CDHR4: variants seen among roughly 807,000 people sequenced by gnomAD.
CDHR4 encodes the protein cadherin related family member 4, also known as cadherin-related family member 4.
CDHR4 carries 89 observed loss-of-function variants against 88.4 expected under a neutral mutation model. That is an observed-to-expected ratio of 1.01 (90% CI 0.85 to 1.20). The LOEUF is 1.20. CDHR4 is among the 50% of genes most tolerant of loss of function. CDHR4 has a pLI of 0.00. For synonymous variants in CDHR4, 368 were observed against 399.2 expected (o/e 0.92, Z 0.93); for missense variants, 914 against 1,007.2 (o/e 0.91, Z 1.25).
Position 49,795,717 on chromosome 3 carries a change from C to T in CDHR4, c.758G>A (p.Ser253Asn). ...CCGGGCCTGGACCTGAACCACCTCA[C>T]TACCGGGGGCCAGATTCTCAGGGAT... Reference protein sequence around the residue: ...ITIPENLAPGSEVVQVQARGV... With the variant: ...ITIPENLAPGNEVVQVQARGV... The change falls in exon 7 of 19, where the codon AGT (serine) becomes AAT (asparagine). Residue 253 changes from serine to asparagine, a missense_variant. Coordinates refer to ENST00000412678, the MANE Select transcript of CDHR4 (RefSeq NM_001007540.4). This position sits in a 1 kb window ranked among gnomAD's most constrained non-coding sequence, Gnocchi z 5.4. 6.4e-7 allele frequency: 1 copy of T among 1,551,694 alleles called. No individual in the cohort carries two copies. The highest frequency in any genetic ancestry group is 1.4e-5 in the African/African-American group (1 of 73,170).
rs531313555 is a variant in CDHR4, at chr3:49,798,963, C to G, written c.403+31G>C. The stretch of plus-strand genomic sequence containing the variant: ...GGAGGATCTGCTCAGGCCATGCCTG[C>G]CCCCACCCTGCCGGCTGCCCCTGGC... On this transcript the variant is annotated intron_variant, in intron 3 of 18. Transcript: ENST00000412678. 1.6e-5 allele frequency: 25 copies of G among 1,610,932 alleles called. No homozygotes were observed. In the South Asian group the frequency reaches 2.8e-4, roughly 18 times the overall value.
Position 49,791,483 on chromosome 3 carries a change from A to C in CDHR4, c.2284-15T>G. 1 of 1,545,764 alleles carries C rather than the reference A, an allele frequency of 6.5e-7. No individual in the cohort carries two copies. ...CCATCAAAATGCTGCTGAGGGAAAA[A>C]AAAAAAAGATGCAATGAATTGAACC... On this transcript the variant is annotated splice_polypyrimidine_tract_variant and intron_variant, in intron 17 of 18. Transcript: ENST00000412678.
In CDHR4 at chr3:49,795,463, C is replaced by T. The variant is rs1284938203; in HGVS notation, c.848-84G>A. 1 of 1,504,090 alleles carries T rather than the reference C, an allele frequency of 6.6e-7. No individual in the cohort carries two copies. Among genetic ancestry groups the T allele is most frequent in the African/African-American group, 1.4e-5 (1 of 72,350 alleles). 93.2% of individuals were successfully genotyped at this position (1,504,090 alleles called of 1,614,324 possible). On this transcript the variant is annotated intron_variant, in intron 7 of 18. Coordinates refer to ENST00000412678, the MANE Select transcript of CDHR4 (RefSeq NM_001007540.4). The surrounding 1 kb of genome is among the most constrained non-coding windows in gnomAD (Gnocchi z 5.4). ...CCTCCCAGCTCAGTCCCACTCCTGC[C>T]AGCCCACCAGATCCATAGGCAAAGG...
chr3:49,792,039 C>T (rs1274774660), intron 15 of CDHR4, 80 bp from the exon 16 acceptor site: 1 of 1,394,672 alleles, frequency 7.2e-7, no homozygotes, highest in Non-Finnish European at 9.9e-7. Flanking sequence ...TCACCCATTC[C>T]TTTATATTGG....
chr3:49,792,720 A>G (rs2081199763), intron 14 of CDHR4, 110 bp from the exon 15 acceptor site: 19 of 1,485,636 alleles, frequency 1.3e-5, no homozygotes, highest in Non-Finnish European at 1.7e-5. Flanking sequence ...TTGCTCTTCA[A>G]CACTGCTGGG....
chr3:49,792,547 A>G lies in CDHR4; in HGVS notation c.2059T>C (p.Trp687Arg). ...GTTGCTGTCAACACCACCACAAACC[A>G]GGGCTGTGGCTGCCAGAAAGCCTCT... ...DTEAFWQPQP[W>R]FVVVLTATGA... The change falls in exon 15 of 19, where the codon TGG becomes CGG. Residue 687 changes from tryptophan to arginine, a missense_variant. Coordinates refer to ENST00000412678, the MANE Select transcript of CDHR4 (RefSeq NM_001007540.4). 6.4e-7 allele frequency: 1 copy of G among 1,551,686 alleles called. No homozygotes were observed. Among genetic ancestry groups the G allele is most frequent in the Non-Finnish European group, 8.7e-7 (1 of 1,146,972 alleles).
At chr3:49,797,150 T>C in intron 4 of CDHR4, 118 bp from the exon 5 acceptor site, 1 of 630,598 alleles carries the variant, frequency 1.6e-6, no homozygotes, top group Non-Finnish European at 2.8e-6. Flanking sequence ...ACCCAATTTA[T>C]TTTCCTTCCT....
intron 4 of CDHR4, chr3:49,798,481 G>A (rs1575352974): frequency 6.5e-6 from 2 of 309,688 alleles, no homozygotes; most frequent in Non-Finnish European, 1.2e-5. Flanking sequence ...CCAGCTACTC[G>A]GGAGGCTGAG....
chr3:49,790,917 G>T (rs576350641), intron 18 of CDHR4, 30 bp from the exon 19 acceptor site: 1 of 1,534,230 alleles, frequency 6.5e-7, no homozygotes, highest in Admixed American at 2.0e-5. Flanking sequence ...GAGGAGAGCA[G>T]GGGGTGCTGC....
chr3:49,795,154 G>A lies in CDHR4; in HGVS notation c.1031+42C>T, dbSNP rs370292070. Reference sequence around the variant, plus strand: ...GAGTCTGGCAGTACCCTGAGTCATGGCTCTGACCCCAGCAGCCCAAGTATG... The same window carrying A: ...GAGTCTGGCAGTACCCTGAGTCATGACTCTGACCCCAGCAGCCCAAGTATG... On this transcript the variant is annotated intron_variant, in intron 8 of 18. Coordinates refer to ENST00000412678, the MANE Select transcript of CDHR4 (RefSeq NM_001007540.4). The surrounding 1 kb of genome is among the most constrained non-coding windows in gnomAD (Gnocchi z 5.4). 3.2e-6 allele frequency: 5 copies of A among 1,551,412 alleles called. No homozygotes were observed. The African/African-American group carries it at 6.8e-5, about 21-fold the overall frequency.
chr3:49,794,254 C>G (rs760597234), intron 10 of CDHR4, among the ~76,000 whole-genome samples: 1 of 152,054 alleles, frequency 6.6e-6, no homozygotes, highest in South Asian at 2.1e-4. Context: ...AAAAATTAGC[C>G]GGGCGTGGTG....
upstream of CDHR4, among the ~76,000 whole-genome samples, chr3:49,802,262 C>A (rs1242653944): frequency 1.3e-5 from 2 of 152,158 alleles, no homozygotes; most frequent in Non-Finnish European, 2.9e-5. Context: ...CAAGCTCCGC[C>A]TCCCGGGTTC....
At position 49,799,753 on chromosome 3, in the gene CDHR4, C is replaced by A; in HGVS notation, c.49+11G>T. 6.2e-7 allele frequency: 1 copy of A among 1,613,770 alleles called. No homozygotes were observed. The highest frequency in any genetic ancestry group is 8.5e-7 in the Non-Finnish European group (1 of 1,179,760). ...GGAAAACTACGGTTCCCCCACCCAC[C>A]ACCTCCTCACCAGAGACCACCGGAG... is the stretch of plus-strand genomic sequence containing the variant. On this transcript the variant is annotated intron_variant, in intron 1 of 18. Coordinates refer to ENST00000412678, the MANE Select transcript of CDHR4 (RefSeq NM_001007540.4).
At chr3:49,793,490 C>T in intron 12 of CDHR4, 93 bp downstream of exon 12, 2 of 1,501,424 alleles carry the variant, frequency 1.3e-6, no homozygotes, top group South Asian at 2.7e-5. Context: ...GTGGAAGAAA[C>T]CAAGGCACAG....
Position 49,793,727 on chromosome 3 carries a change from A to C in CDHR4, c.1484-5T>G. The C allele has an allele frequency of 6.4e-7, 1 of 1,551,656 alleles. No individual in the cohort carries two copies. The highest frequency in any genetic ancestry group is 8.7e-7 in the Non-Finnish European group (1 of 1,146,948). On this transcript the variant is annotated splice_region_variant and splice_polypyrimidine_tract_variant and intron_variant, in intron 11 of 18. Transcript: ENST00000412678. ...GTCCCAGGAGGTGAACTTCCCCTAGAGGGGGAGACCACAGCTTCAGCCTGC... is the reference window on the plus strand; with the variant it reads ...GTCCCAGGAGGTGAACTTCCCCTAGCGGGGGAGACCACAGCTTCAGCCTGC...
chr3:49,793,639 C>G lies in CDHR4; in HGVS notation c.1567G>C (p.Asp523His). The G allele has an allele frequency of 6.4e-7, 1 of 1,551,744 alleles. No individual in the cohort carries two copies. Among genetic ancestry groups the G allele is most frequent in the Non-Finnish European group, 8.7e-7 (1 of 1,146,996 alleles). Residue 523 changes from aspartate (D) to histidine (H), a missense_variant, in exon 12 of 19, where the codon GAC becomes CAC. Coordinates refer to ENST00000412678, the MANE Select transcript of CDHR4 (RefSeq NM_001007540.4). ...GAGAGGTGATGGTTGGGGTTCTGGT[C>G]TTGGCCATGGTCAATCACAAGGACA... ...LTVLVIDHGQ[D>H]QNPNHHLSGS... is the part of the protein sequence containing the mutation.
rs1251461640 is a variant in CDHR4 at position 49,795,224 on chromosome 3, G to A, written c.1003C>T (p.Pro335Ser). The A allele has an allele frequency of 6.4e-7, 1 of 1,551,658 alleles. No individual in the cohort carries two copies. The highest frequency in any genetic ancestry group is 2.0e-5 in the Admixed American group (1 of 50,998). ...TMNVQLVNLW[P>S]PRCLPALLVS... is the part of the protein sequence containing the mutation. ...AGAAGCGCTGGGAGGCAGCGTGGAGGCCAGAGGTTGACCAGCTGCACATTC... is the reference window on the plus strand; with the variant it reads ...AGAAGCGCTGGGAGGCAGCGTGGAGACCAGAGGTTGACCAGCTGCACATTC... The change falls in exon 8 of 19, where the codon CCT (proline) becomes TCT (serine). Residue 335 changes from proline to serine, a missense_variant. Transcript: ENST00000412678. The surrounding 1 kb of genome is among the most constrained non-coding windows in gnomAD (Gnocchi z 5.4).
chr3:49,791,643 G>T, intron 17 of CDHR4, 71 bp downstream of exon 17: 1 of 1,517,868 alleles, frequency 6.6e-7, no homozygotes, highest in Non-Finnish European at 8.9e-7. Context: ...GGGAAAAAAG[G>T]CTTGGAGGGG....
rs1320101776 is a variant in CDHR4 at position 49,793,934 on chromosome 3, C to T, written c.1352G>A (p.Arg451Gln). ...GTGGGGCGCCGCATCCTCCTGAACC[C>T]GGAACGTGCGAGGGGCACAGGCTGG... The part of the protein sequence containing the change: ...FSPACAPRTF[R>Q]VQEDAAPHTL... Residue 451 changes from arginine (R) to glutamine (Q), a missense_variant, in exon 11 of 19, where the codon CGG (arginine) becomes CAG (glutamine). By Grantham distance (43) the Arg-to-Gln change is conservative (BLOSUM62 1). Transcript: ENST00000412678. 23 of 1,551,678 alleles carry T rather than the reference C, an allele frequency of 1.5e-5. No homozygotes were observed. Among genetic ancestry groups the T allele is most frequent in the Non-Finnish European group, 1.8e-5 (21 of 1,147,010 alleles).
Sources: gnomAD v4.1 joint callset for allele counts (sites outside exome capture counted in the v4.1 genomes callset) on GRCh38, gnomAD v4.1.1 for gene constraint, Gnocchi (gnomAD v3.1) non-coding constraint, MANE v1.5 for transcripts, NCBI Gene and HGNC (gene_info 2026-07-23, HGNC 2026-07-21) for gene names.